Variants in CTNNA3 observed in about 807,000 individuals in gnomAD.
CTNNA3 encodes catenin alpha-3.
In CTNNA3, 76 loss-of-function variants were observed where a neutral mutation model predicts 95.7. The ratio of observed to expected loss-of-function variants is 0.79; its 90% confidence interval spans 0.66 to 0.96. The LOEUF is 0.96. Among genes scored for constraint, CTNNA3 ranks in the 40% least tolerant of loss-of-function variants. The pLI is 0.00. For synonymous variants in CTNNA3, 431 were observed against 374.4 expected (o/e 1.15, Z -1.74); for missense variants, 1,191 against 1,089.8 (o/e 1.09, Z -1.31).
intron 2 of CTNNA3, among the ~76,000 whole-genome samples, chr10:67,627,757 A>G (rs772618189): frequency 3.3e-5 from 5 of 151,996 alleles, no homozygotes; most frequent in Non-Finnish European, 7.4e-5. Flanking sequence ...AATTGTTTTC[A>G]TTTACAAACA....
intron 7 of CTNNA3, among the ~76,000 whole-genome samples, chr10:67,068,852 G>C (rs1449551181): frequency 2.0e-5 from 3 of 152,180 alleles, no homozygotes; most frequent in Non-Finnish European, 2.9e-5. Flanking sequence ...CTGAGGTCAG[G>C]AGTTCAAGAC....
At chr10:66,763,584 T>C (rs1332902402) in intron 9 of CTNNA3, among the ~76,000 whole-genome samples, 1 of 151,942 alleles carries the variant, frequency 6.6e-6, no homozygotes, top group Admixed American at 6.6e-5. Flanking sequence ...CTGAGAAGAG[T>C]AGTGACCACA....
chr10:66,075,975 C>A lies in CTNNA3; in HGVS notation c.1978-6486G>T, dbSNP rs1389844613. Among the ~76,000 whole-genome samples the A allele has an allele frequency of 4.0e-5, 6 of 151,300 alleles. No individual in the cohort carries two copies. In the East Asian group the frequency reaches 1.2e-3, roughly 29 times the overall value. Reference sequence around the variant, plus strand: ...AATATTATTTTGTTAATAAATAATCCACAATTATGATTTTTTTAATTTTAT... The same window carrying A: ...AATATTATTTTGTTAATAAATAATCAACAATTATGATTTTTTTAATTTTAT... On this transcript the variant is annotated intron_variant, in intron 14 of 17. Transcript: ENST00000433211.
chr10:66,445,070 A>G (rs12762794), intron 11 of CTNNA3, among the ~76,000 whole-genome samples: 57,639 of 151,460 alleles, frequency 0.38, 11,529 homozygotes, highest in African/African-American at 0.5. Flanking sequence ...CAAAAGAGAC[A>G]AAGAAGGCCA....
chr10:67,703,320 C>T (rs1589576283), intron 1 of CTNNA3, among the ~76,000 whole-genome samples: 1 of 118,326 alleles, frequency 8.5e-6, no homozygotes. Flanking sequence ...AGAGACACAA[C>T]CAAAAAGAGA....
chr10:67,481,751 A>G (rs1478748904), intron 5 of CTNNA3, among the ~76,000 whole-genome samples: 1 of 152,126 alleles, frequency 6.6e-6, no homozygotes, highest in East Asian at 1.9e-4. Context: ...TCTTTAGTTT[A>G]CTTAGATCCC....
chr10:67,269,222 T>C (rs1405397044), intron 5 of CTNNA3, among the ~76,000 whole-genome samples: 1 of 152,160 alleles, frequency 6.6e-6, no homozygotes, highest in Non-Finnish European at 1.5e-5. Context: ...GTTGGAGTCA[T>C]TAAAGATTTT....
chr10:66,710,688 T>C (rs1157033327), intron 9 of CTNNA3, among the ~76,000 whole-genome samples: 1 of 151,894 alleles, frequency 6.6e-6, no homozygotes, highest in Admixed American at 6.6e-5. Context: ...ATAATTTTTT[T>C]CCTAAAGTTA....
At chr10:66,948,034 A>C (rs1420871843) in intron 7 of CTNNA3, among the ~76,000 whole-genome samples, 3 of 152,244 alleles carry the variant, frequency 2.0e-5, no homozygotes, top group South Asian at 2.1e-4. Flanking sequence ...TTTGTAACAC[A>C]ATGGTATTTG....
chr10:66,697,965 T>C (rs903519978), intron 9 of CTNNA3, among the ~76,000 whole-genome samples: 1 of 152,268 alleles, frequency 6.6e-6, no homozygotes, highest in South Asian at 2.1e-4. Flanking sequence ...TAACTCATTG[T>C]TGGGTTTCAG....
At position 65,920,625 on chromosome 10, in the gene CTNNA3, G is replaced by GA. The variant is rs2077069734; in HGVS notation, c.2401-9dup. 6.3e-7 allele frequency: 1 copy of GA among 1,592,486 alleles called. No homozygotes were observed. The highest frequency in any genetic ancestry group is 1.4e-5 in the African/African-American group (1 of 73,634). On this transcript the variant is annotated splice_polypyrimidine_tract_variant and intron_variant, in intron 17 of 17. Coordinates refer to ENST00000433211, the MANE Select transcript of CTNNA3 (RefSeq NM_013266.4). ...GGATGTGACACTGTCCAACTGTAGG[G>GA]AAAAAAGAGAAAAAAGAGCTATTAT...
At chr10:67,085,417 G>T (rs922850635) in intron 7 of CTNNA3, among the ~76,000 whole-genome samples, 25 of 151,574 alleles carry the variant, frequency 1.6e-4, no homozygotes, top group Admixed American at 9.2e-4. Flanking sequence ...GGGACTAAAA[G>T]TAAAAAACAT....
intron 7 of CTNNA3, among the ~76,000 whole-genome samples, chr10:66,867,590 T>C (rs1297677330): frequency 6.6e-6 from 1 of 152,136 alleles, no homozygotes; most frequent in Non-Finnish European, 1.5e-5. Flanking sequence ...ATAAAGCACC[T>C]GACTCCTCGC....
chr10:66,704,069 G>A (rs1159274915), intron 9 of CTNNA3, among the ~76,000 whole-genome samples: 1 of 152,024 alleles, frequency 6.6e-6, no homozygotes, highest in African/African-American at 2.4e-5. Context: ...ATTCCATTAA[G>A]TGACAAGTGT....
At chr10:66,285,991 T>C (rs1243727502) in intron 12 of CTNNA3, among the ~76,000 whole-genome samples, 1 of 152,058 alleles carries the variant, frequency 6.6e-6, no homozygotes, top group Non-Finnish European at 1.5e-5. Context: ...AAAATGTATT[T>C]ATCCAGTCTA....
At chr10:67,036,381 G>A (rs1284693550) in intron 7 of CTNNA3, among the ~76,000 whole-genome samples, 1 of 151,700 alleles carries the variant, frequency 6.6e-6, no homozygotes, top group East Asian at 1.9e-4. Context: ...CAATTCTCCT[G>A]CCTCAGACTC....
At chr10:66,337,685 A>G (rs920266742) in intron 12 of CTNNA3, among the ~76,000 whole-genome samples, 1 of 152,150 alleles carries the variant, frequency 6.6e-6, no homozygotes, top group African/African-American at 2.4e-5. Flanking sequence ...ATACAAACTA[A>G]AACCCTAATG....
intron 12 of CTNNA3, among the ~76,000 whole-genome samples, chr10:66,346,244 TATAGAG>T (rs1160768499): frequency 3.3e-4 from 3 of 9,034 alleles, no homozygotes; most frequent in African/African-American, 1.0e-3. Context: ...TATATATATA[TATAGAG>T]AGAGAGAGAG....
chr10:66,706,170 A>C (rs1195749390), intron 9 of CTNNA3, among the ~76,000 whole-genome samples: 1 of 151,978 alleles, frequency 6.6e-6, no homozygotes, highest in Non-Finnish European at 1.5e-5. Context: ...TACAAAAAAC[A>C]ATGGAAATTC....
Sources: gnomAD v4.1 joint callset for allele counts (sites outside exome capture counted in the v4.1 genomes callset) on GRCh38, gnomAD v4.1.1 for gene constraint, MANE v1.5 for transcripts, NCBI Gene and HGNC (gene_info 2026-07-23, HGNC 2026-07-21) for gene names.